The following DAB1 variants were observed in gnomAD, a reference collection of about 807,000 sequenced individuals.
DAB1 encodes disabled homolog 1.
Under a neutral mutation model 64.6 loss-of-function variants are expected in DAB1, and 15 were observed. The ratio of observed to expected loss-of-function variants is 0.23; its 90% CI spans 0.16 to 0.36. The LOEUF (loss-of-function observed/expected upper bound fraction) is 0.36. Among genes scored for constraint, DAB1 ranks in the 10% least tolerant of loss-of-function variants. The probability of loss-of-function intolerance (pLI) is 1.00; values close to 1 mark genes in which losing one functional copy is unlikely to be tolerated. For synonymous variants in DAB1, 235 were observed against 251.9 expected (o/e 0.93, Z 0.64); for missense variants, 596 against 706.7 (o/e 0.84, Z 1.78).
chr1:57,659,737 G>C (rs1035696335), intron 6 of DAB1, among the ~76,000 whole-genome samples: 2 of 152,118 alleles, frequency 1.3e-5, no homozygotes, highest in African/African-American at 2.4e-5. Context: ...AGCACTTTGG[G>C]AGGCTGAGGT....
chr1:57,285,821 C>A (rs1003445990), intron 2 of DAB1, among the ~76,000 whole-genome samples: 2 of 152,198 alleles, frequency 1.3e-5, no homozygotes, highest in African/African-American at 4.8e-5. Context: ...CCAGAAATAT[C>A]TATCTGTTCA....
chr1:58,355,885 G>C (rs1313413150), intron 3 of DAB1, among the ~76,000 whole-genome samples: 2 of 152,190 alleles, frequency 1.3e-5, no homozygotes, highest in African/African-American at 4.8e-5. Flanking sequence ...GGTCTGATCA[G>C]CTGTATTAAT....
At chr1:58,086,210 G>A (rs1033581550) in intron 5 of DAB1, among the ~76,000 whole-genome samples, 5 of 151,702 alleles carry the variant, frequency 3.3e-5, no homozygotes, top group East Asian at 1.9e-4. Flanking sequence ...TGATCCGCCC[G>A]CCTCGGCCTC....
At chr1:58,095,687 T>C (rs1106367) in intron 5 of DAB1, among the ~76,000 whole-genome samples, 42,192 of 152,154 alleles carry the variant, frequency 0.28, 7,324 homozygotes, top group East Asian at 0.49. Context: ...ACCCCGGACA[T>C]GCATTGCTGT....
intron 5 of DAB1, among the ~76,000 whole-genome samples, chr1:57,941,297 C>A (rs1204640153): frequency 6.6e-6 from 1 of 152,208 alleles, no homozygotes; most frequent in South Asian, 2.1e-4. Context: ...TTTATCTGCA[C>A]AGTAGCAGCC....
intron 3 of DAB1, among the ~76,000 whole-genome samples, chr1:58,475,264 TC>T (rs1372264983): frequency 3.3e-5 from 5 of 152,118 alleles, no homozygotes; most frequent in Admixed American, 2.0e-4. Context: ...CAAGCGATAC[TC>T]CTGTCTCAGC....
intron 4 of DAB1, among the ~76,000 whole-genome samples, chr1:58,283,275 T>C (rs539313934): frequency 6.6e-6 from 1 of 152,220 alleles, no homozygotes; most frequent in East Asian, 1.9e-4. Context: ...ATAAGTATCT[T>C]CTCAGCAGAG....
chr1:57,364,400 C>T (rs1679798274), intron 1 of DAB1, among the ~76,000 whole-genome samples: 1 of 152,114 alleles, frequency 6.6e-6, no homozygotes, highest in Admixed American at 6.5e-5. Flanking sequence ...CATACTGGAA[C>T]AAGAGACCTG....
Position 57,877,559 on chromosome 1 carries a change from T to TA in DAB1, n.87+6439_87+6440insT, listed in dbSNP as rs898124265. Among the ~76,000 whole-genome samples, 16 of 21,074 alleles carry TA rather than the reference T, an allele frequency of 7.6e-4. 6 individuals carry two copies. Among genetic ancestry groups the TA allele is most frequent in the African/African-American group, 4.0e-3 (15 of 3,750 alleles). The allele number at this position is 21,074 out of a possible 152,430, so 13.8% of individuals were successfully genotyped here. The stretch of plus-strand genomic sequence containing the variant: ...CTAATTGATTTATTTTTTTTTTTTT[T>TA]TTTTTTTTTTTTGAGACGGAGTCTC... On this transcript the variant is annotated intron_variant and non_coding_transcript_variant, in intron 1 of 1. Transcript: ENST00000477280.
At chr1:57,249,983 G>T (rs1274681948) in intron 2 of DAB1, among the ~76,000 whole-genome samples, 1 of 152,084 alleles carries the variant, frequency 6.6e-6, no homozygotes, top group Non-Finnish European at 1.5e-5. Flanking sequence ...CTTAAAAGGT[G>T]GTTTTAGAAG....
In DAB1 at chr1:57,949,170, G is replaced by C. The variant is rs78205210; in HGVS notation, n.388-65008C>G. 1.9e-3 allele frequency among the ~76,000 whole-genome samples: 293 copies of C among 152,158 alleles called. 7 individuals are homozygous for C. The East Asian group carries it at 0.041, about 21-fold the overall frequency. On this transcript the variant is annotated intron_variant and non_coding_transcript_variant, in intron 5 of 20. Transcript: ENST00000485760. ...TGCAAGACAATATTTCCATGGGGGG[G>C]GCTGGGGGGATGGTTTGGGGATGAA...
chr1:58,030,033 C>A (rs1570249418), intron 5 of DAB1, among the ~76,000 whole-genome samples: 3 of 151,976 alleles, frequency 2.0e-5, no homozygotes. Flanking sequence ...AGGTGAAACC[C>A]CGTCTCTACT....
At chr1:58,294,704 G>C (rs542437552) in intron 4 of DAB1, among the ~76,000 whole-genome samples, 1 of 152,278 alleles carries the variant, frequency 6.6e-6, no homozygotes, top group African/African-American at 2.4e-5. Flanking sequence ...CCAGCACAGA[G>C]TGGGGAAGCC....
Position 57,708,820 on chromosome 1 carries a change from A to C in DAB1, n.552-59155T>G, listed in dbSNP as rs1646996212. Among the ~76,000 whole-genome samples the C allele has an allele frequency of 2.6e-5, 4 of 152,084 alleles. No homozygotes were observed. In the South Asian group the frequency reaches 8.3e-4, roughly 32 times the overall value. On this transcript the variant is annotated intron_variant and non_coding_transcript_variant, in intron 6 of 20. Transcript: ENST00000485760. Reference sequence around the variant, plus strand: ...GGTTTGAGGGAGGGATGGTGCATGCAATGCAAGACCGTCTTTCCTATCCTC... The same window carrying C: ...GGTTTGAGGGAGGGATGGTGCATGCCATGCAAGACCGTCTTTCCTATCCTC...
At chr1:58,377,129 A>G (rs1471597226) in intron 3 of DAB1, among the ~76,000 whole-genome samples, 1 of 148,416 alleles carries the variant, frequency 6.7e-6, no homozygotes, top group African/African-American at 2.5e-5. Context: ...TTGACTCTTT[A>G]TCCAACTTGC....
chr1:57,057,331 C>A (rs1557642500), intron 9 of DAB1, among the ~76,000 whole-genome samples: 1 of 151,916 alleles, frequency 6.6e-6, no homozygotes. Flanking sequence ...TTTTGCCTGT[C>A]TCTCTTATAT....
intron 7 of DAB1, among the ~76,000 whole-genome samples, chr1:57,493,307 G>A (rs1425751988): frequency 1.3e-5 from 2 of 150,938 alleles, no homozygotes; most frequent in African/African-American, 4.9e-5. Flanking sequence ...CCTCCCCCCA[G>A]CCCCTGGTAC....
In DAB1 at chr1:56,998,097, C is replaced by T. The variant is rs149203010; in HGVS notation, c.*47G>A. 7 of 152,692 alleles carry T rather than the reference C, an allele frequency of 4.6e-5. No individual in the cohort carries two copies. In the East Asian group the frequency reaches 1.4e-3, roughly 30 times the overall value. 9.5% of individuals were successfully genotyped at this position (152,692 alleles called of 1,614,324 possible). ...CTCGCATCGATGCTATTTCTTAGGT[C>T]TGTTGATCTGCGCGTACAGAGGCTC... is the stretch of plus-strand genomic sequence containing the variant. On this transcript the variant is annotated 3_prime_UTR_variant, in exon 15 of 15. Coordinates refer to ENST00000371236, the MANE Select transcript of DAB1 (RefSeq NM_001365792.1).
intron 1 of DAB1, among the ~76,000 whole-genome samples, chr1:57,851,981 A>T (rs1051189793): frequency 6.6e-6 from 1 of 152,106 alleles, no homozygotes; most frequent in Admixed American, 6.5e-5. Flanking sequence ...CAATACCCCA[A>T]AGCATAGTGC....
Sources: allele counts gnomAD v4.1 joint callset (sites outside exome capture counted in the v4.1 genomes callset), GRCh38; gene constraint gnomAD v4.1.1; transcripts MANE v1.5; gene names NCBI Gene and HGNC (gene_info 2026-07-23, HGNC 2026-07-21).